RBMS1: variants seen among roughly 807,000 people sequenced by gnomAD.
RBMS1 encodes RNA binding motif single stranded interacting protein 1.
A neutral mutation model predicts 62.3 loss-of-function variants in RBMS1; 17 were observed. The ratio of observed to expected loss-of-function variants is 0.27; its 90% CI spans 0.19 to 0.41. The LOEUF is 0.41. Among genes scored for constraint, RBMS1 ranks in the 10% least tolerant of loss-of-function variants. The pLI, the probability that RBMS1 is intolerant of heterozygous loss-of-function variation, is 1.00. For synonymous variants in RBMS1, 172 were observed against 170.0 expected (o/e 1.01, Z -0.09); for missense variants, 334 against 504.5 (o/e 0.66, Z 3.24).
rs1574245131 is a variant in RBMS1 at position 160,303,242 on chromosome 2, C to T, written c.560+88G>A. 4.4e-6 allele frequency: 6 copies of T among 1,365,800 alleles called. No homozygotes were observed. In the East Asian group the frequency reaches 1.5e-4, roughly 34 times the overall value. The allele number at this position is 1,365,800 out of a possible 1,614,324, so 84.6% of individuals were successfully genotyped here. On this transcript the variant is annotated intron_variant, in intron 5 of 13. Coordinates refer to ENST00000348849, the MANE Select transcript of RBMS1 (RefSeq NM_016836.4). ...ACTGCTCCCATAACCCTAGCTGAAACTGTCTCTTCTTAGTCATTTTTAATT... is the reference window on the plus strand; with the variant it reads ...ACTGCTCCCATAACCCTAGCTGAAATTGTCTCTTCTTAGTCATTTTTAATT...
chr2:160,432,960 C>T (rs1682959117), intron 1 of RBMS1, among the ~76,000 whole-genome samples: 1 of 152,124 alleles, frequency 6.6e-6, no homozygotes, highest in South Asian at 2.1e-4. Context: ...GGGAAATCAC[C>T]CTAGTTGCCC....
At chr2:160,319,725 G>C (rs1444857727) in intron 2 of RBMS1, among the ~76,000 whole-genome samples, 1 of 152,084 alleles carries the variant, frequency 6.6e-6, no homozygotes, top group Non-Finnish European at 1.5e-5. Flanking sequence ...GTATTTTGTA[G>C]CATTTTAAAC....
chr2:160,450,428 T>C (rs1683916059), intron 1 of RBMS1, among the ~76,000 whole-genome samples: 2 of 151,668 alleles, frequency 1.3e-5, no homozygotes, highest in Non-Finnish European at 2.9e-5. Flanking sequence ...TAATCCCAGC[T>C]ACTTGGGAGG....
intron 13 of RBMS1, 126 bp downstream of exon 13, chr2:160,275,504 C>T (rs1687786702): frequency 5.7e-6 from 8 of 1,410,464 alleles, no homozygotes; most frequent in Admixed American, 4.8e-5. Flanking sequence ...AGACTAGATG[C>T]CTTGGCCACG....
chr2:160,350,315 C>T (rs1275360803), intron 2 of RBMS1, among the ~76,000 whole-genome samples: 1 of 152,086 alleles, frequency 6.6e-6, no homozygotes, highest in Non-Finnish European at 1.5e-5. Flanking sequence ...CCTCATTTCT[C>T]CTCAATGTGG....
intron 2 of RBMS1, among the ~76,000 whole-genome samples, chr2:160,332,963 T>C (rs1691362464): frequency 6.6e-6 from 1 of 151,826 alleles, no homozygotes; most frequent in Admixed American, 6.6e-5. Context: ...TACACTCATA[T>C]GTGCATATGT....
Position 160,447,362 on chromosome 2 carries a change from C to T in RBMS1, c.75+45927G>A, listed in dbSNP as rs76373149. On this transcript the variant is annotated intron_variant, in intron 1 of 13. Coordinates refer to ENST00000348849, the MANE Select transcript of RBMS1 (RefSeq NM_016836.4). The stretch of plus-strand genomic sequence containing the variant: ...ACTCAATCACAGGCCTCCAAACTTA[C>T]TGCAAAGAAGCTAAGAAATGGAGCT... 9.0e-3 allele frequency among the ~76,000 whole-genome samples: 1,367 copies of T among 152,286 alleles called. 30 individuals are homozygous for T. The highest frequency in any genetic ancestry group is 0.031 in the African/African-American group (1,297 of 41,556).
At chr2:160,394,343 C>T (rs1300446047) in intron 1 of RBMS1, among the ~76,000 whole-genome samples, 2 of 152,092 alleles carry the variant, frequency 1.3e-5, no homozygotes, top group African/African-American at 2.4e-5. Context: ...CTAGAAACCA[C>T]AGAGTAAATT....
At chr2:160,412,636 G>T (rs1275014490) in intron 1 of RBMS1, among the ~76,000 whole-genome samples, 2 of 152,254 alleles carry the variant, frequency 1.3e-5, no homozygotes, top group Admixed American at 6.5e-5. Context: ...GACATTAAGT[G>T]ATAAGTGCCA....
intron 2 of RBMS1, among the ~76,000 whole-genome samples, chr2:160,347,572 G>C (rs1384362512): frequency 2.6e-5 from 4 of 152,052 alleles, no homozygotes; most frequent in Non-Finnish European, 4.4e-5. Context: ...GACAGTAGTA[G>C]AACTAATCAG....
intron 1 of RBMS1, among the ~76,000 whole-genome samples, chr2:160,468,911 C>A (rs1684805548): frequency 6.6e-6 from 1 of 152,160 alleles, no homozygotes; most frequent in Non-Finnish European, 1.5e-5. Context: ...ATGGATAGGG[C>A]TACCTGTGTT....
At chr2:160,460,431 T>C (rs747534204) in intron 1 of RBMS1, among the ~76,000 whole-genome samples, 6 of 152,222 alleles carry the variant, frequency 3.9e-5, no homozygotes, top group Non-Finnish European at 8.8e-5. Context: ...TTCCCCAGTT[T>C]TGCAGATAAG....
intron 1 of RBMS1, among the ~76,000 whole-genome samples, chr2:160,462,950 A>C (rs1684529270): frequency 6.6e-6 from 1 of 152,210 alleles, no homozygotes; most frequent in South Asian, 2.1e-4. Context: ...ATGAAACCCC[A>C]AAAAGAATGG....
chr2:160,391,600 C>T (rs902795947), intron 1 of RBMS1, among the ~76,000 whole-genome samples: 2 of 152,148 alleles, frequency 1.3e-5, no homozygotes, highest in African/African-American at 4.8e-5. Context: ...TATTTTGCTT[C>T]CATGATGCAA....
chr2:160,381,665 C>G (rs906129632), intron 1 of RBMS1, among the ~76,000 whole-genome samples: 4 of 152,270 alleles, frequency 2.6e-5, no homozygotes, highest in Non-Finnish European at 4.4e-5. Flanking sequence ...TTTCACCATA[C>G]TGGGGGCTTT....
chr2:160,387,121 A>AC (rs1573979300), intron 1 of RBMS1, among the ~76,000 whole-genome samples: 1 of 151,952 alleles, frequency 6.6e-6, no homozygotes, highest in African/African-American at 2.4e-5. Context: ...GACTGTCCCC[A>AC]CCCCTTGATA....
chr2:160,471,160 G>A (rs1684896809), intron 1 of RBMS1, among the ~76,000 whole-genome samples: 1 of 152,166 alleles, frequency 6.6e-6, no homozygotes, highest in Admixed American at 6.6e-5. Flanking sequence ...TGAAAGGCAG[G>A]AGCCCAATAT....
chr2:160,426,281 GAAAGAAAGAAAA>G (rs1682595982), intron 1 of RBMS1, among the ~76,000 whole-genome samples: 14 of 108,936 alleles, frequency 1.3e-4, no homozygotes, highest in Admixed American at 2.0e-4. Flanking sequence ...AAGAAAGAAA[GAAAGAAAGAAAA>G]GAAAGAAGGA....
chr2:160,415,042 T>C (rs1377479320), intron 1 of RBMS1, among the ~76,000 whole-genome samples: 1 of 151,974 alleles, frequency 6.6e-6, no homozygotes, highest in Non-Finnish European at 1.5e-5. Flanking sequence ...AAAGAGAAGG[T>C]CCATTTTTCA....
Sources: allele counts gnomAD v4.1 joint callset (sites outside exome capture counted in the v4.1 genomes callset), GRCh38; gene constraint gnomAD v4.1.1; transcripts MANE v1.5; gene names NCBI Gene and HGNC (gene_info 2026-07-23, HGNC 2026-07-21).